The following TIAM1 variants were observed in gnomAD, a reference collection of about 807,000 sequenced individuals.
TIAM1 encodes TIAM Rac1 associated GEF 1.
A neutral mutation model predicts 163.5 loss-of-function variants in TIAM1; 65 were observed. The observed-to-expected ratio is 0.40, with a 90% CI of 0.33 to 0.49. The LOEUF (loss-of-function observed/expected upper bound fraction) is 0.49. Ranked by LOEUF, TIAM1 falls within the 20% of genes least tolerant of loss-of-function variation. The pLI is 0.77. For synonymous variants in TIAM1, 833 were observed against 810.1 expected (o/e 1.03, Z -0.48); for missense variants, 1,789 against 2,044.7 (o/e 0.87, Z 2.41).
At chr21:31,376,596 A>G (rs1301790784) in intron 2 of TIAM1, among the ~76,000 whole-genome samples, 1 of 152,122 alleles carries the variant, frequency 6.6e-6, no homozygotes, top group African/African-American at 2.4e-5. Flanking sequence ...CAGCAGAGGG[A>G]GGAGGAGATG....
intron 19 of TIAM1, among the ~76,000 whole-genome samples, chr21:31,150,830 A>T (rs2083338397): frequency 6.6e-6 from 1 of 152,234 alleles, no homozygotes; most frequent in Non-Finnish European, 1.5e-5. Flanking sequence ...TTTACAAATC[A>T]TGTATCTGAT....
At chr21:31,196,865 G>C (rs1019460913) in intron 12 of TIAM1, among the ~76,000 whole-genome samples, 5 of 152,150 alleles carry the variant, frequency 3.3e-5, no homozygotes, top group African/African-American at 9.7e-5. Context: ...GGGTGGATTG[G>C]ATAAAGAAAA....
chr21:31,162,935 G>A (rs75153296), intron 16 of TIAM1, among the ~76,000 whole-genome samples: 127 of 152,210 alleles, frequency 8.3e-4, no homozygotes, highest in Non-Finnish European at 1.4e-3. Context: ...CGGAGTCAGA[G>A]CGACACATGG....
chr21:31,163,417 T>C (rs2146359123), intron 16 of TIAM1, among the ~76,000 whole-genome samples: 1 of 152,318 alleles, frequency 6.6e-6, no homozygotes, highest in Middle Eastern at 3.4e-3. Context: ...AAAGGAAACA[T>C]GTGCATTTCC....
intron 2 of TIAM1, among the ~76,000 whole-genome samples, chr21:31,419,963 C>T (rs1471560748): frequency 6.6e-5 from 10 of 152,156 alleles, no homozygotes; most frequent in Non-Finnish European, 1.0e-4. Flanking sequence ...GCAGGAGAAT[C>T]GCTTGAACCC....
intron 2 of TIAM1, among the ~76,000 whole-genome samples, chr21:31,445,228 G>C (rs564418929): frequency 6.6e-6 from 1 of 152,046 alleles, no homozygotes; most frequent in Non-Finnish European, 1.5e-5. Flanking sequence ...AAACTCCAAG[G>C]CCTCAGGTTT....
At chr21:31,194,284 G>A (rs151245067) in intron 13 of TIAM1, among the ~76,000 whole-genome samples, 1 of 152,266 alleles carries the variant, frequency 6.6e-6, no homozygotes, top group Admixed American at 6.5e-5. Flanking sequence ...AATCATAGTT[G>A]TGAGTATGAC....
chr21:31,293,527 T>C (rs1373025147), intron 2 of TIAM1, among the ~76,000 whole-genome samples: 3 of 152,182 alleles, frequency 2.0e-5, no homozygotes, highest in African/African-American at 7.2e-5. Flanking sequence ...GCCATCAATA[T>C]TAGCCAAAGG....
chr21:31,359,615 CTG>C (rs2076369944), intron 2 of TIAM1, among the ~76,000 whole-genome samples: 1 of 151,964 alleles, frequency 6.6e-6, no homozygotes, highest in South Asian at 2.1e-4. Context: ...TAGTGAAATC[CTG>C]TCTCTACTAA....
At chr21:31,294,489 A>G (rs772727498) in intron 2 of TIAM1, among the ~76,000 whole-genome samples, 3 of 152,232 alleles carry the variant, frequency 2.0e-5, no homozygotes, top group Non-Finnish European at 4.4e-5. Context: ...AGCAATTGGT[A>G]TTCCATTTTG....
At chr21:31,140,458 T>C (rs1483072299) in intron 22 of TIAM1, among the ~76,000 whole-genome samples, 3 of 152,190 alleles carry the variant, frequency 2.0e-5, no homozygotes, top group Non-Finnish European at 4.4e-5. Flanking sequence ...ATAATAATTG[T>C]ATGTATTCAG....
chr21:31,251,913 T>C lies in TIAM1; in HGVS notation c.1240A>G (p.Ser414Gly), dbSNP rs750969574. The change falls in exon 5 of 28, where the codon AGC becomes GGC. Residue 414 changes from serine (S) to glycine (G), a missense_variant. By Grantham distance (56) the Ser-to-Gly change is moderately conservative (BLOSUM62 0). Transcript: ENST00000541036. ...TGGCCCGGAGAGCTCAGGGTGCCGCTGCTCTGCTCATCGCTGTGCGCCGAG... is the reference window on the plus strand; with the variant it reads ...TGGCCCGGAGAGCTCAGGGTGCCGCCGCTCTGCTCATCGCTGTGCGCCGAG... Reference protein sequence around the residue: ...AGSAHSDEQSSGTLSSPGQSD... With the variant: ...AGSAHSDEQSGGTLSSPGQSD... 3.7e-6 allele frequency: 6 copies of C among 1,613,812 alleles called. No individual in the cohort carries two copies. The Admixed American group carries it at 1.0e-4, about 27-fold the overall frequency.
intron 9 of TIAM1, among the ~76,000 whole-genome samples, 182 bp from the exon 10 acceptor site, chr21:31,213,654 C>T (rs2087004808): frequency 6.6e-6 from 1 of 151,968 alleles, no homozygotes; most frequent in Admixed American, 6.6e-5. Context: ...AAACACATCC[C>T]TCTATCTAGA....
At chr21:31,177,061 AAG>A (rs1446503187) in intron 15 of TIAM1, among the ~76,000 whole-genome samples, 1 of 152,240 alleles carries the variant, frequency 6.6e-6, no homozygotes, top group Non-Finnish European at 1.5e-5. Context: ...AATACTGAAA[AAG>A]AGCAATCTCT....
At chr21:31,330,421 T>C (rs2075640916) in intron 2 of TIAM1, among the ~76,000 whole-genome samples, 1 of 152,088 alleles carries the variant, frequency 6.6e-6, no homozygotes, top group African/African-American at 2.4e-5. Flanking sequence ...GCATGGTTCT[T>C]TGTATTTTTT....
At chr21:31,313,088 G>T (rs1484144615) in intron 2 of TIAM1, among the ~76,000 whole-genome samples, 1 of 152,184 alleles carries the variant, frequency 6.6e-6, no homozygotes, top group Non-Finnish European at 1.5e-5. Flanking sequence ...TATTTAATAA[G>T]ATACGACAAG....
At chr21:31,403,743 A>G (rs1398205616) in intron 2 of TIAM1, among the ~76,000 whole-genome samples, 2 of 152,162 alleles carry the variant, frequency 1.3e-5, no homozygotes, top group African/African-American at 4.8e-5. Context: ...GCTGGAGAAT[A>G]GAGAGATCCC....
intron 2 of TIAM1, among the ~76,000 whole-genome samples, chr21:31,284,286 T>C (rs1204447817): frequency 6.6e-6 from 1 of 152,178 alleles, no homozygotes; most frequent in African/African-American, 2.4e-5. Flanking sequence ...ACACCTTGGT[T>C]TAGAAGAGAT....
intron 16 of TIAM1, among the ~76,000 whole-genome samples, chr21:31,159,626 T>C (rs1056045348): frequency 2.0e-5 from 3 of 152,216 alleles, no homozygotes; most frequent in African/African-American, 7.2e-5. Flanking sequence ...CTCGATCACC[T>C]TTTCAGTTTC....
Sources: gnomAD v4.1 joint callset for allele counts (sites outside exome capture counted in the v4.1 genomes callset) on GRCh38, gnomAD v4.1.1 for gene constraint, MANE v1.5 for transcripts, NCBI Gene and HGNC (gene_info 2026-07-23, HGNC 2026-07-21) for gene names.